The following RPS6KL1 variants were observed in gnomAD, a reference collection of about 807,000 sequenced individuals.
The protein encoded by RPS6KL1 is ribosomal protein S6 kinase-like 1.
In RPS6KL1, 41 loss-of-function variants were observed where a neutral mutation model predicts 57.0. That is an observed-to-expected ratio of 0.72 (90% CI 0.56 to 0.93). RPS6KL1 has a LOEUF of 0.93. Ranked by LOEUF, RPS6KL1 falls within the 40% of genes least tolerant of loss-of-function variation. The pLI is 0.00. For missense variants in RPS6KL1, 697 were observed against 727.7 expected (o/e 0.96, Z 0.49); for synonymous variants, 287 against 309.7 (o/e 0.93, Z 0.77).
chr14:74,906,852 G>T lies in RPS6KL1; in HGVS notation c.*162C>A, dbSNP rs1039964105. 2 of 766,182 alleles carry T rather than the reference G, an allele frequency of 2.6e-6. No homozygotes were observed. Among genetic ancestry groups the T allele is most frequent in the Admixed American group, 1.8e-5 (1 of 56,534 alleles). The allele number at this position is 766,182 out of a possible 1,614,324, so 47.5% of individuals were successfully genotyped here. Reference sequence around the variant, plus strand: ...AGGAGCTGGCCCTTCCTGGGTGGTGGCCATAATTCTGAGGCCCCAGTGGGA... The same window carrying T: ...AGGAGCTGGCCCTTCCTGGGTGGTGTCCATAATTCTGAGGCCCCAGTGGGA... On this transcript the variant is annotated 3_prime_UTR_variant, in exon 12 of 12. Transcript: ENST00000557413.
At chr14:74,919,790 C>G (rs980867394) in intron 4 of RPS6KL1, 55 bp downstream of exon 4, 50 of 1,594,324 alleles carry the variant, frequency 3.1e-5, no homozygotes, top group Admixed American at 5.1e-5. Flanking sequence ...CCTCCGCAGT[C>G]TCCCCTCAGA....
rs1314876351 is a variant in RPS6KL1, at chr14:74,907,078, C to T, written c.1586G>A (p.Gly529Asp). 2 of 1,613,694 alleles carry T rather than the reference C, an allele frequency of 1.2e-6. No homozygotes were observed. Among genetic ancestry groups the T allele is most frequent in the Non-Finnish European group, 1.7e-6 (2 of 1,179,896 alleles). Residue 529 changes from glycine to aspartate, a missense_variant, in exon 12 of 12, where the codon GGT becomes GAT. Transcript: ENST00000557413. ...PTRRLGMGEG[G>D]VSKLKSHPFF... ...GGGATGGGACTTGAGTTTGCTGACA[C>T]CACCTTCTCCCATGCCCAGGCGCCG...
At chr14:74,918,326 G>T (rs1402207897) in intron 5 of RPS6KL1, among the ~76,000 whole-genome samples, 187 bp downstream of exon 5, 1 of 152,082 alleles carries the variant, frequency 6.6e-6, no homozygotes, top group African/African-American at 2.4e-5. Context: ...TGTTAGGGAT[G>T]GGGGAGAGGT....
At chr14:74,921,055 C>A (rs1258491542) in intron 3 of RPS6KL1, among the ~76,000 whole-genome samples, 1 of 152,248 alleles carries the variant, frequency 6.6e-6, no homozygotes, top group Non-Finnish European at 1.5e-5. Flanking sequence ...CTGTGACACT[C>A]AAATGAATGA....
At chr14:74,910,918 C>T (rs1467878217) in intron 7 of RPS6KL1, 8 of 248,628 alleles carry the variant, frequency 3.2e-5, no homozygotes, top group African/African-American at 1.6e-4. Context: ...GCTGCCCAGG[C>T]TAGAGTGCAG....
chr14:74,911,170 C>A, intron 7 of RPS6KL1, 78 bp downstream of exon 7: 1 of 1,451,538 alleles, frequency 6.9e-7, no homozygotes. Context: ...CCACGCCCTG[C>A]CAGGGCTCCG....
At chr14:74,911,175 G>C in intron 7 of RPS6KL1, 73 bp downstream of exon 7, 1 of 1,471,958 alleles carries the variant, frequency 6.8e-7, no homozygotes. Context: ...CCCTGCCAGG[G>C]CTCCGCATTT....
In RPS6KL1 at chr14:74,907,420, C is replaced by A. The variant is rs557517767; in HGVS notation, c.1539+15G>T. On this transcript the variant is annotated intron_variant, in intron 11 of 11. Transcript: ENST00000557413. ...AGGCTAGGCAGCTGCTTCCTCTGGC[C>A]GGGCTACACCTCACCTCAGTCAGCA... 4 of 1,561,148 alleles carry A rather than the reference C, an allele frequency of 2.6e-6. No homozygotes were observed. The South Asian group carries it at 3.5e-5, about 14-fold the overall frequency.
Position 74,909,111 on chromosome 14 carries a change from G to A in RPS6KL1, c.1350C>T (p.Tyr450=). ...CTCCCCCCTTCTTGCCTGGGGCGCT[G>A]TAGAGATTGTCCACGGCCTCCCCGC... ...QCCGEAVDNL[Y]SAPEVGGISE... Residue 450 remains tyrosine (Y), a synonymous_variant, in exon 9 of 12, where the codon TAC becomes TAT. Transcript: ENST00000557413. 12 of 1,614,176 alleles carry A rather than the reference G, an allele frequency of 7.4e-6. No individual in the cohort carries two copies. The highest frequency in any genetic ancestry group is 9.3e-6 in the Non-Finnish European group (11 of 1,180,020).
At position 74,906,622 on chromosome 14, in the gene RPS6KL1, C is replaced by T. The variant is rs1204818243; in HGVS notation, c.*392G>A. On this transcript the variant is annotated 3_prime_UTR_variant, in exon 12 of 12. Transcript: ENST00000557413. The stretch of plus-strand genomic sequence containing the variant: ...CCTGAGATGAGTCTCCAGAGATGTC[C>T]TGAGTGGGGCACAACATGGCAGTGA... The T allele has an allele frequency of 3.8e-6, 2 of 532,738 alleles. No homozygotes were observed. The highest frequency in any genetic ancestry group is 3.8e-6 in the Non-Finnish European group (1 of 260,904). The allele number at this position is 532,738 out of a possible 1,614,324, so 33.0% of individuals were successfully genotyped here. A position where few individuals can be genotyped will look rare whatever the true frequency, so the allele number is the denominator to read the frequency against.
intron 8 of RPS6KL1, 91 bp from the exon 9 acceptor site, chr14:74,909,281 G>A: frequency 7.7e-7 from 1 of 1,304,106 alleles, no homozygotes; most frequent in Non-Finnish European, 1.1e-6. Flanking sequence ...CAGTCATGCG[G>A]TAGGAGCCAA....
chr14:74,920,140 G>A (rs538650441), intron 3 of RPS6KL1, among the ~76,000 whole-genome samples, 171 bp from the exon 4 acceptor site: 1 of 152,164 alleles, frequency 6.6e-6, no homozygotes, highest in Admixed American at 6.5e-5. Flanking sequence ...GGGGTGGGGG[G>A]CCAGCCAGGA....
At chr14:74,909,059 C>T in intron 9 of RPS6KL1, 42 bp downstream of exon 9, 1 of 1,600,452 alleles carries the variant, frequency 6.2e-7, no homozygotes, top group East Asian at 2.2e-5. Context: ...CACACAAAGG[C>T]ACCCAGGTGC....
Position 74,904,663 on chromosome 14 carries a change from A to AT in RPS6KL1, c.*2350dup, listed in dbSNP as rs1223488703. The AT allele has an allele frequency of 3.3e-5, 5 of 152,160 alleles. No homozygotes were observed. Among genetic ancestry groups the AT allele is most frequent in the African/African-American group, 7.2e-5 (3 of 41,432 alleles). 9.4% of individuals were successfully genotyped at this position (152,160 alleles called of 1,614,324 possible). ...CCTTTCAAAACACCAGTAGACTTGCATTTTTTGTGTGGGCTTACATTATTT... is the reference window on the plus strand; with the variant it reads ...CCTTTCAAAACACCAGTAGACTTGCATTTTTTTGTGTGGGCTTACATTATTT... On this transcript the variant is annotated 3_prime_UTR_variant, in exon 12 of 12. Coordinates refer to ENST00000557413, the MANE Select transcript of RPS6KL1 (RefSeq NM_031464.5).
chr14:74,921,267 C>G lies in RPS6KL1; in HGVS notation c.265+10G>C. 6.2e-7 allele frequency: 1 copy of G among 1,605,734 alleles called. No homozygotes were observed. Among genetic ancestry groups the G allele is most frequent in the Non-Finnish European group, 8.5e-7 (1 of 1,172,910 alleles). ...CACCCACCCCAGCCCTGCCCAGCCC[C>G]GGTCCTCACCGTGTATGCCACGGAG... On this transcript the variant is annotated intron_variant, in intron 3 of 11. Coordinates refer to ENST00000557413, the MANE Select transcript of RPS6KL1 (RefSeq NM_031464.5).
At position 74,907,535 on chromosome 14, in the gene RPS6KL1, G is replaced by T; in HGVS notation, c.1444-5C>A. The T allele has an allele frequency of 6.4e-7, 1 of 1,566,992 alleles. No individual in the cohort carries two copies. The highest frequency in any genetic ancestry group is 1.2e-5 in the South Asian group (1 of 85,204). On this transcript the variant is annotated splice_region_variant and splice_polypyrimidine_tract_variant and intron_variant, in intron 10 of 11. Coordinates refer to ENST00000557413, the MANE Select transcript of RPS6KL1 (RefSeq NM_031464.5). ...AGGGTGGCTCTGGGACAGTGCCTGG[G>T]AGGACACAGGGAAGGGCCTCTGAGG...
In RPS6KL1 at chr14:74,906,570, G is replaced by T; in HGVS notation, c.*444C>A. ...AGGACTAGCCAGGACAGTCTGGTTT[G>T]GGTCCACTGAGCCAGTGGATCAGTG... is the stretch of plus-strand genomic sequence containing the variant. On this transcript the variant is annotated 3_prime_UTR_variant, in exon 12 of 12. Transcript: ENST00000557413. 1.9e-6 allele frequency: 1 copy of T among 529,068 alleles called. No individual in the cohort carries two copies. The highest frequency in any genetic ancestry group is 2.0e-5 in the Admixed American group (1 of 50,702). 32.8% of individuals were successfully genotyped at this position (529,068 alleles called of 1,614,324 possible).
intron 2 of RPS6KL1, 165 bp from the exon 3 acceptor site, chr14:74,921,726 A>AAGT (rs1887878122): frequency 7.0e-7 from 1 of 1,426,412 alleles, no homozygotes; most frequent in Admixed American, 2.9e-5. Context: ...GGTCCTTCCT[A>AAGT]AGTGGTGGTA....
intron 5 of RPS6KL1, among the ~76,000 whole-genome samples, chr14:74,912,676 A>G (rs1297006451): frequency 1.3e-5 from 2 of 151,650 alleles, no homozygotes; most frequent in African/African-American, 2.4e-5. Flanking sequence ...CACCCCCTTC[A>G]TTTACACACA....
Sources: allele counts gnomAD v4.1 joint callset (sites outside exome capture counted in the v4.1 genomes callset), GRCh38; gene constraint gnomAD v4.1.1; transcripts MANE v1.5; gene names NCBI Gene and HGNC (gene_info 2026-07-23, HGNC 2026-07-21).